The following ATP2B2 variants were observed in gnomAD, a reference collection of about 807,000 sequenced individuals.
ATP2B2 encodes ATPase plasma membrane Ca2+ transporting 2.
In ATP2B2, 15 loss-of-function variants were observed where a neutral mutation model predicts 120.0. That is an observed-to-expected ratio of 0.12 (90% CI 0.08 to 0.19). ATP2B2 has a LOEUF of 0.19. Among genes scored for constraint, ATP2B2 ranks in the 10% least tolerant of loss-of-function variants. The probability of loss-of-function intolerance (pLI) is 1.00; values close to 1 mark genes in which losing one functional copy is unlikely to be tolerated. For synonymous variants in ATP2B2, 694 were observed against 700.3 expected (o/e 0.99, Z 0.14); for missense variants, 1,045 against 1,719.8 (o/e 0.61, Z 6.94).
chr3:10,457,721 G>A (rs1376315141), intron 1 of ATP2B2, among the ~76,000 whole-genome samples: 1 of 152,084 alleles, frequency 6.6e-6, no homozygotes, highest in Non-Finnish European at 1.5e-5. Context: ...CAGGGAAAGA[G>A]GAAGGGAACT....
At chr3:10,609,404 G>A (rs114365459) in intron 2 of ATP2B2, among the ~76,000 whole-genome samples, 3,260 of 152,292 alleles carry the variant, frequency 0.021, 80 homozygotes, top group African/African-American at 0.061. Flanking sequence ...GGAGCCTCCC[G>A]GCATCGATCA....
At chr3:10,652,092 A>T (rs1461316961) in intron 1 of ATP2B2, among the ~76,000 whole-genome samples, 2 of 152,160 alleles carry the variant, frequency 1.3e-5, no homozygotes, top group African/African-American at 4.8e-5. Context: ...AGACTATTCT[A>T]TTCCAGATAA....
chr3:10,543,226 C>T (rs981572094), intron 2 of ATP2B2, among the ~76,000 whole-genome samples: 8 of 152,332 alleles, frequency 5.3e-5, no homozygotes, highest in Admixed American at 2.0e-4. Context: ...CTTCCAACCT[C>T]CAGAATTGTG....
intron 2 of ATP2B2, among the ~76,000 whole-genome samples, chr3:10,601,099 G>A (rs1372901769): frequency 1.3e-5 from 2 of 152,210 alleles, no homozygotes; most frequent in Non-Finnish European, 1.5e-5. Flanking sequence ...GGCCTTGCGG[G>A]CTTGCCCTGC....
intron 2 of ATP2B2, among the ~76,000 whole-genome samples, chr3:10,565,016 G>A (rs1460378002): frequency 6.6e-6 from 1 of 152,132 alleles, no homozygotes; most frequent in African/African-American, 2.4e-5. Context: ...TCACTTCTAG[G>A]ACTTGACTTA....
rs113492168 is a variant in ATP2B2 at position 10,363,047 on chromosome 3, G to C, written c.1660-2924C>G. Among the ~76,000 whole-genome samples the C allele has an allele frequency of 3.2e-3, 484 of 152,256 alleles. 2 individuals carry two copies. Among genetic ancestry groups the C allele is most frequent in the African/African-American group, 0.011 (461 of 41,542 alleles). On this transcript the variant is annotated intron_variant, in intron 12 of 22. Transcript: ENST00000360273. ...AATTACTTATTTGCCCAAGAGAGCT[G>C]AGCAGTCCTGCCTGCAAAACACTCA...
At chr3:10,451,045 C>T (rs1219092618) in intron 1 of ATP2B2, among the ~76,000 whole-genome samples, 1 of 152,216 alleles carries the variant, frequency 6.6e-6, no homozygotes, top group Non-Finnish European at 1.5e-5. Context: ...GCCTTATCAC[C>T]TTCATAACCT....
At chr3:10,543,289 G>A (rs913223183) in intron 2 of ATP2B2, among the ~76,000 whole-genome samples, 3 of 152,188 alleles carry the variant, frequency 2.0e-5, no homozygotes, top group African/African-American at 7.2e-5. Context: ...TTTTGTTATG[G>A]CAGTCTGAGC....
At chr3:10,332,789 T>C (rs746418607) in intron 22 of ATP2B2, among the ~76,000 whole-genome samples, 4 of 152,106 alleles carry the variant, frequency 2.6e-5, no homozygotes, top group Non-Finnish European at 5.9e-5. Flanking sequence ...TCAGTGTCTT[T>C]CTCTGCGAAA....
intron 5 of ATP2B2, among the ~76,000 whole-genome samples, chr3:10,389,597 T>C (rs2061785659): frequency 6.6e-6 from 1 of 152,214 alleles, no homozygotes; most frequent in Admixed American, 6.5e-5. Context: ...TGCCAGGGGC[T>C]GGGGAAGGGA....
Position 10,403,712 on chromosome 3 carries a change from T to C in ATP2B2, c.398-1364A>G, listed in dbSNP as rs549327712. ...CACGGGGGCCAGGTGGGGCACTGGA[T>C]ACCCTGCAAGGCCTGCTGTGCACCC... On this transcript the variant is annotated intron_variant, in intron 3 of 22. Coordinates refer to ENST00000360273, the MANE Select transcript of ATP2B2 (RefSeq NM_001001331.4). Among the ~76,000 whole-genome samples, 3 of 152,330 alleles carry C rather than the reference T, an allele frequency of 2.0e-5. No individual in the cohort carries two copies. In the East Asian group the frequency reaches 5.8e-4, roughly 29 times the overall value.
intron 1 of ATP2B2, among the ~76,000 whole-genome samples, chr3:10,475,784 C>T (rs772044780): frequency 1.2e-4 from 19 of 152,190 alleles, no homozygotes; most frequent in Non-Finnish European, 2.5e-4. Flanking sequence ...GCCAAAGCCC[C>T]CTTCCCCGTC....
At chr3:10,512,492 A>G (rs1415963925) in intron 3 of ATP2B2, among the ~76,000 whole-genome samples, 3 of 151,966 alleles carry the variant, frequency 2.0e-5, no homozygotes, top group African/African-American at 7.2e-5. Flanking sequence ...ACACACACAC[A>G]CACACACACA....
chr3:10,573,782 T>C (rs2068181970), intron 2 of ATP2B2, among the ~76,000 whole-genome samples: 1 of 152,212 alleles, frequency 6.6e-6, no homozygotes, highest in African/African-American at 2.4e-5. Flanking sequence ...CTATACAAAC[T>C]GTTCCACTGG....
At position 10,338,267 on chromosome 3, in the gene ATP2B2, T is replaced by C. The variant is rs374011120; in HGVS notation, c.3329A>G (p.Asn1110Ser). ...QKEEIPEEELNEDVEEIDHAE... is the reference protein window; with the variant it reads ...QKEEIPEEELSEDVEEIDHAE... Reference sequence around the variant, plus strand: ...GTGGTCGATCTCCTCCACGTCCTCGTTGAGCTCCTCCTCCGGGATCTCCTC... The same window carrying C: ...GTGGTCGATCTCCTCCACGTCCTCGCTGAGCTCCTCCTCCGGGATCTCCTC... The change falls in exon 22 of 23, where the codon AAC becomes AGC. Residue 1110 changes from asparagine to serine, a missense_variant. Transcript: ENST00000360273. 18 of 1,614,124 alleles carry C rather than the reference T, an allele frequency of 1.1e-5. No individual in the cohort carries two copies. In the African/African-American group the frequency reaches 2.3e-4, roughly 20 times the overall value.
intron 2 of ATP2B2, among the ~76,000 whole-genome samples, chr3:10,573,777 C>T (rs1233688130): frequency 1.3e-5 from 2 of 152,218 alleles, no homozygotes; most frequent in Non-Finnish European, 2.9e-5. Flanking sequence ...CCATTCTATA[C>T]AAACTGTTCC....
intron 1 of ATP2B2, among the ~76,000 whole-genome samples, chr3:10,496,264 G>A (rs996048733): frequency 6.6e-6 from 1 of 152,146 alleles, no homozygotes; most frequent in African/African-American, 2.4e-5. Context: ...CACTGTTGGT[G>A]CCCACCCTAG....
intron 1 of ATP2B2, among the ~76,000 whole-genome samples, chr3:10,629,546 C>A (rs1031806300): frequency 3.3e-5 from 5 of 152,176 alleles, no homozygotes; most frequent in African/African-American, 7.2e-5. Flanking sequence ...TCAGCCGATC[C>A]TCACCTGCCC....
intron 2 of ATP2B2, among the ~76,000 whole-genome samples, chr3:10,600,839 G>A (rs2068889627): frequency 6.6e-6 from 1 of 152,200 alleles, no homozygotes; most frequent in Non-Finnish European, 1.5e-5. Flanking sequence ...TGGGGAGGGA[G>A]ATGAGCTGGA....
Sources: allele counts gnomAD v4.1 joint callset (sites outside exome capture counted in the v4.1 genomes callset), GRCh38; gene constraint gnomAD v4.1.1; transcripts MANE v1.5; gene names NCBI Gene and HGNC (gene_info 2026-07-23, HGNC 2026-07-21).